GALNTL6: variants seen among roughly 807,000 people sequenced by gnomAD.
GALNTL6 encodes the protein polypeptide N-acetylgalactosaminyltransferase-like 6.
In GALNTL6, 46 loss-of-function variants were observed where a neutral mutation model predicts 73.7. The observed-to-expected ratio is 0.62, with a 90% CI of 0.49 to 0.80. GALNTL6 has a LOEUF of 0.80. Ranked by LOEUF, GALNTL6 falls within the 30% of genes least tolerant of loss-of-function variation. The pLI is 0.00. For synonymous variants in GALNTL6, 259 were observed against 263.7 expected (o/e 0.98, Z 0.17); for missense variants, 604 against 755.0 (o/e 0.80, Z 2.34).
At chr4:172,483,377 C>A (rs979450504) in intron 5 of GALNTL6, among the ~76,000 whole-genome samples, 1 of 152,126 alleles carries the variant, frequency 6.6e-6, no homozygotes, top group South Asian at 2.1e-4. Flanking sequence ...GGGTGAAAAT[C>A]GGCAGTAGAA....
chr4:172,642,456 T>G (rs571772960), intron 5 of GALNTL6, among the ~76,000 whole-genome samples: 17 of 152,076 alleles, frequency 1.1e-4, no homozygotes, highest in African/African-American at 4.1e-4. Context: ...TGGAGGACAT[T>G]ATGTGAAATA....
chr4:172,817,421 CA>C (rs202066900), intron 7 of GALNTL6, among the ~76,000 whole-genome samples: 123 of 139,902 alleles, frequency 8.8e-4, no homozygotes, highest in Admixed American at 1.1e-3. Flanking sequence ...GACCCTATTG[CA>C]AAAAAAAAAA....
chr4:172,148,274 T>C (rs1032444002), intron 2 of GALNTL6, among the ~76,000 whole-genome samples: 1 of 152,174 alleles, frequency 6.6e-6, no homozygotes, highest in Non-Finnish European at 1.5e-5. Context: ...AGAAAGATAA[T>C]CTCTACTTGA....
chr4:172,738,110 T>G (rs1560916957), intron 5 of GALNTL6, among the ~76,000 whole-genome samples: 1 of 152,224 alleles, frequency 6.6e-6, no homozygotes, highest in Non-Finnish European at 1.5e-5. Flanking sequence ...ATGCTACTCA[T>G]GGGTTAAGGC....
At chr4:171,974,295 A>G (rs1739654194) in intron 2 of GALNTL6, among the ~76,000 whole-genome samples, 1 of 152,168 alleles carries the variant, frequency 6.6e-6, no homozygotes, top group Non-Finnish European at 1.5e-5. Context: ...TTTATTATTA[A>G]GAATTGAACC....
chr4:172,315,453 G>C (rs1443443977), intron 4 of GALNTL6, among the ~76,000 whole-genome samples: 2 of 152,182 alleles, frequency 1.3e-5, no homozygotes, highest in Non-Finnish European at 2.9e-5. Context: ...AGTAGAGACA[G>C]AGTTTCTCCA....
At chr4:171,922,535 ATT>A (rs60489832) in intron 2 of GALNTL6, among the ~76,000 whole-genome samples, 6,106 of 149,996 alleles carry the variant, frequency 0.041, 405 homozygotes, top group African/African-American at 0.14. Flanking sequence ...TATTGTGTGT[ATT>A]TTTTTTTTTA....
In GALNTL6 at chr4:171,954,774, G is replaced by A. The variant is rs547726062; in HGVS notation, c.138+140056G>A. Among the ~76,000 whole-genome samples, 14 of 152,224 alleles carry A rather than the reference G, an allele frequency of 9.2e-5. No homozygotes were observed. In the South Asian group the frequency reaches 2.9e-3, roughly 32 times the overall value. ...GGTGAGAGGTGATTAAATCATGGGT[G>A]TGAACTTCCCCCTCTCTTCTCTCTT... On this transcript the variant is annotated intron_variant, in intron 2 of 12. Coordinates refer to ENST00000506823, the MANE Select transcript of GALNTL6 (RefSeq NM_001034845.3).
chr4:172,084,488 T>G (rs17058026), intron 2 of GALNTL6, among the ~76,000 whole-genome samples: 9,980 of 152,182 alleles, frequency 0.066, 1,042 homozygotes, highest in African/African-American at 0.22. Flanking sequence ...TCTGCAAAGG[T>G]ATTACAGTGC....
chr4:172,011,048 C>T (rs1189734849), intron 2 of GALNTL6, among the ~76,000 whole-genome samples: 1 of 152,122 alleles, frequency 6.6e-6, no homozygotes, highest in African/African-American at 2.4e-5. Flanking sequence ...ATGTATACTA[C>T]TATAAGAAAT....
intron 5 of GALNTL6, among the ~76,000 whole-genome samples, chr4:172,776,966 A>G (rs1739109509): frequency 6.6e-6 from 1 of 152,232 alleles, no homozygotes; most frequent in Admixed American, 6.5e-5. Context: ...AAATTAAGAA[A>G]TACCAATTCA....
chr4:172,129,520 T>A (rs1230004056), intron 2 of GALNTL6, among the ~76,000 whole-genome samples: 1 of 152,222 alleles, frequency 6.6e-6, no homozygotes, highest in African/African-American at 2.4e-5. Context: ...GTTGGGCGTT[T>A]ATTCCTTTCA....
At chr4:172,348,744 T>A in intron 5 of GALNTL6, 55 bp downstream of exon 5, 1 of 1,197,388 alleles carries the variant, frequency 8.4e-7, no homozygotes, top group Non-Finnish European at 1.2e-6. Context: ...ACATAATCAT[T>A]AAGGACTTTT....
At chr4:172,451,643 A>G (rs1732216807) in intron 5 of GALNTL6, among the ~76,000 whole-genome samples, 1 of 152,166 alleles carries the variant, frequency 6.6e-6, no homozygotes, top group Non-Finnish European at 1.5e-5. Flanking sequence ...ATATATATAG[A>G]TATAGATATC....
intron 10 of GALNTL6, among the ~76,000 whole-genome samples, chr4:172,985,429 A>G (rs750384408): frequency 2.0e-5 from 3 of 151,994 alleles, no homozygotes; most frequent in Non-Finnish European, 4.4e-5. Context: ...TTAAAAGGCA[A>G]TTATTGAGTA....
intron 2 of GALNTL6, among the ~76,000 whole-genome samples, chr4:171,970,053 G>A (rs1166300599): frequency 6.6e-6 from 1 of 152,180 alleles, no homozygotes; most frequent in Non-Finnish European, 1.5e-5. Flanking sequence ...TTACAGGTGT[G>A]AGCCACTGCA....
rs368291548 is a variant in GALNTL6 at position 172,545,689 on chromosome 4, G to A, written c.553+197000G>A. Reference sequence around the variant, plus strand: ...AGCAGGACCTGCTCAGATCCAGCATGGTGCCAGCACGTTGTAGGCCTTTGC... The same window carrying A: ...AGCAGGACCTGCTCAGATCCAGCATAGTGCCAGCACGTTGTAGGCCTTTGC... On this transcript the variant is annotated intron_variant, in intron 5 of 12. Transcript: ENST00000506823. 5 of 152,324 alleles carry A rather than the reference G, an allele frequency of 3.3e-5. No homozygotes were observed. In the East Asian group the frequency reaches 9.6e-4, roughly 29 times the overall value. The allele number at this position is 152,324 out of a possible 1,614,324, so 9.4% of individuals were successfully genotyped here. A position where few individuals can be genotyped will look rare whatever the true frequency, so the allele number is the denominator to read the frequency against.
chr4:172,730,346 A>C (rs1736072529), intron 5 of GALNTL6, among the ~76,000 whole-genome samples: 3 of 152,160 alleles, frequency 2.0e-5, no homozygotes, highest in Admixed American at 1.3e-4. Flanking sequence ...TTCTCCATTC[A>C]GTGCAGTGTT....
intron 5 of GALNTL6, among the ~76,000 whole-genome samples, chr4:172,675,975 C>CA (rs369216907): frequency 7.6e-4 from 115 of 152,012 alleles, no homozygotes; most frequent in African/African-American, 2.7e-3. Context: ...CTAAAGTTAG[C>CA]AAAAAGAAAG....
Sources: allele counts gnomAD v4.1 joint callset (sites outside exome capture counted in the v4.1 genomes callset), GRCh38; gene constraint gnomAD v4.1.1; transcripts MANE v1.5; gene names NCBI Gene and HGNC (gene_info 2026-07-23, HGNC 2026-07-21).